Variants in BARD1 observed in about 807,000 individuals in gnomAD.
BARD1 encodes BRCA1 associated RING domain 1, also known as BRCA1-associated RING domain protein 1.
In BARD1, 73 loss-of-function variants were observed where a neutral mutation model predicts 77.0. The ratio of observed to expected loss-of-function variants is 0.95; its 90% confidence interval spans 0.79 to 1.15. BARD1 has a LOEUF of 1.15. Among genes scored for constraint, BARD1 ranks in the 50% most tolerant of loss-of-function variants. The probability of loss-of-function intolerance (pLI) is 0.00; values close to 1 mark genes in which losing one functional copy is unlikely to be tolerated. For missense variants in BARD1, 993 were observed against 938.8 expected, an observed-to-expected ratio of 1.06 and a Z score of -0.75; for synonymous variants, 384 against 338.0, an observed-to-expected ratio of 1.14 and a Z score of -1.49.
At chr2:214,764,834 C>T (rs897159025) in intron 6 of BARD1, among the ~76,000 whole-genome samples, 31 of 151,994 alleles carry the variant, frequency 2.0e-4, no homozygotes, top group African/African-American at 7.0e-4. Context: ...ACAATGACTA[C>T]GACATGTTTT....
At chr2:214,775,836 AG>A (rs2106097041) in intron 4 of BARD1, among the ~76,000 whole-genome samples, 1 of 152,366 alleles carries the variant, frequency 6.6e-6, no homozygotes, top group Non-Finnish European at 1.5e-5. Flanking sequence ...GAGGTGTTTT[AG>A]AAATTAAACT....
intron 9 of BARD1, among the ~76,000 whole-genome samples, chr2:214,736,817 T>C (rs951669390): frequency 6.6e-6 from 1 of 152,132 alleles, no homozygotes; most frequent in South Asian, 2.1e-4. Context: ...GGGAGTTATG[T>C]AGTAAGTTTC....
intron 3 of BARD1, among the ~76,000 whole-genome samples, chr2:214,792,045 C>T (rs573814389): frequency 6.6e-6 from 1 of 151,354 alleles, no homozygotes; most frequent in Admixed American, 6.6e-5. Flanking sequence ...AAAAAACCAC[C>T]GGGTGTGTCA....
intron 1 of BARD1, among the ~76,000 whole-genome samples, chr2:214,809,125 CATT>C (rs1696430421): frequency 6.6e-6 from 1 of 152,184 alleles, no homozygotes; most frequent in Admixed American, 6.5e-5. Flanking sequence ...CCGGGATGAA[CATT>C]TTTTTAGCCA....
At chr2:214,735,334 C>T (rs1692524117) in intron 9 of BARD1, among the ~76,000 whole-genome samples, 1 of 152,042 alleles carries the variant, frequency 6.6e-6, no homozygotes. Flanking sequence ...TTGTTTACAG[C>T]GTGAGAGCTG....
Position 214,725,755 on chromosome 2 carries a change from G to C in BARD1, c.*2921C>G. ...ACAATCTGTAGCTCAATCTATCAAA[G>C]AAAATGGTGGCTTTTAGTAATTAAA... is the stretch of plus-strand genomic sequence containing the variant. On this transcript the variant is annotated 3_prime_UTR_variant, in exon 11 of 11. Coordinates refer to ENST00000260947, the MANE Select transcript of BARD1 (RefSeq NM_000465.4). The C allele has an allele frequency of 4.5e-6, 1 of 224,378 alleles. No homozygotes were observed. The allele number at this position is 224,378 out of a possible 1,614,324, so 13.9% of individuals were successfully genotyped here.
chr2:214,761,004 G>A (rs1218367146), intron 6 of BARD1, among the ~76,000 whole-genome samples: 2 of 150,582 alleles, frequency 1.3e-5, no homozygotes, highest in Non-Finnish European at 3.0e-5. Flanking sequence ...TCGATCTCCT[G>A]ACCTCGGGAT....
At chr2:214,745,956 G>C in intron 7 of BARD1, 102 bp from the exon 8 acceptor site, 1 of 1,321,644 alleles carries the variant, frequency 7.6e-7, no homozygotes, top group South Asian at 1.2e-5. Flanking sequence ...TCATTACTTA[G>C]TTTACTCTAA....
intron 4 of BARD1, among the ~76,000 whole-genome samples, chr2:214,772,385 C>G (rs1057088785): frequency 1.3e-5 from 2 of 152,000 alleles, no homozygotes; most frequent in Non-Finnish European, 2.9e-5. Flanking sequence ...CTATCTTTAA[C>G]ATGAAAGTAC....
At chr2:214,743,227 A>G (rs1316884201) in intron 9 of BARD1, among the ~76,000 whole-genome samples, 1 of 152,222 alleles carries the variant, frequency 6.6e-6, no homozygotes, top group Non-Finnish European at 1.5e-5. Context: ...GATGAAAGGA[A>G]ACTGTTTTAC....
intron 8 of BARD1, 65 bp downstream of exon 8, chr2:214,745,657 T>G: frequency 6.4e-7 from 1 of 1,567,950 alleles, no homozygotes; most frequent in Non-Finnish European, 8.8e-7. Flanking sequence ...TCAAAGGTAG[T>G]TCTCCAAAAG....
chr2:214,746,063 T>C (rs1693102626), intron 7 of BARD1, among the ~76,000 whole-genome samples: 1 of 152,176 alleles, frequency 6.6e-6, no homozygotes, highest in African/African-American at 2.4e-5. Context: ...TTGTGATAGC[T>C]CTCTATACCC....
intron 4 of BARD1, 35 bp from the exon 5 acceptor site, chr2:214,769,347 T>C: frequency 1.3e-6 from 2 of 1,533,958 alleles, no homozygotes; most frequent in South Asian, 1.1e-5. Context: ...TTAAAAAGCA[T>C]TAAGGAAAGA....
intron 1 of BARD1, among the ~76,000 whole-genome samples, chr2:214,804,340 T>C (rs989189472): frequency 6.6e-6 from 1 of 152,248 alleles, no homozygotes; most frequent in African/African-American, 2.4e-5. Context: ...ACCTAAGTTC[T>C]TTCATACATC....
At chr2:214,796,538 G>A (rs907371846) in intron 2 of BARD1, among the ~76,000 whole-genome samples, 1 of 152,136 alleles carries the variant, frequency 6.6e-6, no homozygotes, top group Non-Finnish European at 1.5e-5. Context: ...GATTGCTAGG[G>A]GAAAGGCAAG....
chr2:214,769,030 G>C (rs1294105260), intron 5 of BARD1, among the ~76,000 whole-genome samples: 1 of 152,178 alleles, frequency 6.6e-6, no homozygotes, highest in African/African-American at 2.4e-5. Context: ...AAGGTAGTCT[G>C]TCAAAAGGTA....
At chr2:214,779,360 C>T (rs1694874927) in intron 4 of BARD1, among the ~76,000 whole-genome samples, 1 of 152,114 alleles carries the variant, frequency 6.6e-6, no homozygotes, top group African/African-American at 2.4e-5. Context: ...AATATAAATG[C>T]TATGTAGATA....
At chr2:214,802,779 G>A (rs1434352818) in intron 1 of BARD1, among the ~76,000 whole-genome samples, 1 of 152,070 alleles carries the variant, frequency 6.6e-6, no homozygotes, top group Admixed American at 6.6e-5. Context: ...AATAAGAGAA[G>A]ACATTTGCAT....
chr2:214,789,135 A>C (rs1459150758), intron 3 of BARD1, among the ~76,000 whole-genome samples: 1 of 152,192 alleles, frequency 6.6e-6, no homozygotes, highest in Non-Finnish European at 1.5e-5. Flanking sequence ...GCAAAGAAAG[A>C]TACTACCATT....
Sources: gnomAD v4.1 joint callset for allele counts (sites outside exome capture counted in the v4.1 genomes callset) on GRCh38, gnomAD v4.1.1 for gene constraint, MANE v1.5 for transcripts, NCBI Gene and HGNC (gene_info 2026-07-23, HGNC 2026-07-21) for gene names.